The following CNTN1 variants were observed in gnomAD, a reference collection of about 807,000 sequenced individuals.
CNTN1 encodes contactin 1.
Under a neutral mutation model 126.4 loss-of-function variants are expected in CNTN1, and 38 were observed. The ratio of observed to expected loss-of-function variants is 0.30; its 90% confidence interval spans 0.23 to 0.39. The LOEUF is 0.39. Among genes scored for constraint, CNTN1 ranks in the 10% least tolerant of loss-of-function variants. The probability of loss-of-function intolerance (pLI) is 1.00; values close to 1 mark genes in which losing one functional copy is unlikely to be tolerated. For synonymous variants in CNTN1, 413 were observed against 422.6 expected (o/e 0.98, Z 0.28); for missense variants, 1,009 against 1,248.4 (o/e 0.81, Z 2.89).
At chr12:40,868,951 G>A (rs1001487593) in intron 1 of CNTN1, among the ~76,000 whole-genome samples, 1 of 151,710 alleles carries the variant, frequency 6.6e-6, no homozygotes, top group Non-Finnish European at 1.5e-5. Flanking sequence ...CTTGAAGTTA[G>A]TTATTTGCTA....
chr12:40,883,733 C>A (rs942097549), intron 1 of CNTN1, among the ~76,000 whole-genome samples: 7 of 151,566 alleles, frequency 4.6e-5, no homozygotes, highest in African/African-American at 1.7e-4. Flanking sequence ...CCAGAGGGAA[C>A]TTGTTACAGG....
chr12:40,696,838 G>A (rs557228974), intron 1 of CNTN1, among the ~76,000 whole-genome samples: 7 of 151,996 alleles, frequency 4.6e-5, no homozygotes, highest in South Asian at 4.1e-4. Context: ...ACCAAATTCC[G>A]CAGTACAAAG....
At chr12:40,722,694 T>C (rs1240613960) in intron 1 of CNTN1, among the ~76,000 whole-genome samples, 1 of 152,048 alleles carries the variant, frequency 6.6e-6, no homozygotes, top group Non-Finnish European at 1.5e-5. Context: ...AGGAGAAAAG[T>C]AGTGTTAATG....
intron 1 of CNTN1, among the ~76,000 whole-genome samples, chr12:40,738,992 G>A (rs1260088318): frequency 6.6e-6 from 1 of 151,956 alleles, no homozygotes; most frequent in Non-Finnish European, 1.5e-5. Flanking sequence ...AAGAACAGTG[G>A]TTCTTAACCT....
At chr12:40,744,549 A>C (rs1028314675) in intron 1 of CNTN1, among the ~76,000 whole-genome samples, 6 of 152,128 alleles carry the variant, frequency 3.9e-5, no homozygotes, top group African/African-American at 7.2e-5. Context: ...ATTTTTGTAC[A>C]AAAGATGCTA....
At chr12:40,930,201 A>G (rs1296478893) in intron 7 of CNTN1, among the ~76,000 whole-genome samples, 199 bp downstream of exon 7, 2 of 152,002 alleles carry the variant, frequency 1.3e-5, no homozygotes, top group Non-Finnish European at 2.9e-5. Flanking sequence ...AAATTGCTGT[A>G]AGAAGGTTGA....
At chr12:40,936,100 C>T (rs967039866) in intron 9 of CNTN1, among the ~76,000 whole-genome samples, 1 of 151,984 alleles carries the variant, frequency 6.6e-6, no homozygotes, top group Admixed American at 6.6e-5. Context: ...TTTGCTTGTT[C>T]TCTAAAAATA....
At chr12:40,897,566 A>G (rs1273721320) in intron 1 of CNTN1, among the ~76,000 whole-genome samples, 1 of 152,238 alleles carries the variant, frequency 6.6e-6, no homozygotes, top group African/African-American at 2.4e-5. Flanking sequence ...CAGTTTTTGT[A>G]TAATATACAT....
At chr12:41,014,186 CTT>C in intron 17 of CNTN1, 40 bp from the exon 18 acceptor site, 1 of 1,596,224 alleles carries the variant, frequency 6.3e-7, no homozygotes, top group Middle Eastern at 1.7e-4. Context: ...TGCAGGCCCT[CTT>C]TTTGTTGTTG....
chr12:40,709,413 T>G (rs2121156374), intron 1 of CNTN1, among the ~76,000 whole-genome samples: 1 of 152,338 alleles, frequency 6.6e-6, no homozygotes, highest in East Asian at 1.9e-4. Context: ...GCGTAATTCT[T>G]AAGTGCCCTA....
chr12:40,919,463 G>A (rs1199528480), intron 4 of CNTN1, among the ~76,000 whole-genome samples: 1 of 152,092 alleles, frequency 6.6e-6, no homozygotes, highest in East Asian at 1.9e-4. Context: ...AATGCCAGTG[G>A]ATTTAAATTT....
chr12:40,802,659 C>T (rs1034124493), intron 1 of CNTN1, among the ~76,000 whole-genome samples: 1 of 151,884 alleles, frequency 6.6e-6, no homozygotes, highest in African/African-American at 2.4e-5. Flanking sequence ...CCCATCAAAA[C>T]CCTCCCCAAA....
chr12:40,943,266 T>C (rs1332614363), intron 12 of CNTN1, among the ~76,000 whole-genome samples: 1 of 152,144 alleles, frequency 6.6e-6, no homozygotes, highest in African/African-American at 2.4e-5. Context: ...CTAGTCTGAA[T>C]TGAAGTCCTG....
chr12:40,801,973 A>G (rs1940674486), intron 1 of CNTN1, among the ~76,000 whole-genome samples: 1 of 151,944 alleles, frequency 6.6e-6, no homozygotes, highest in African/African-American at 2.4e-5. Flanking sequence ...AAAAAAGTAG[A>G]TGGAAGATGG....
At chr12:40,719,576 C>T (rs1002483297) in intron 1 of CNTN1, among the ~76,000 whole-genome samples, 1 of 152,210 alleles carries the variant, frequency 6.6e-6, no homozygotes, top group Non-Finnish European at 1.5e-5. Flanking sequence ...GAAACCTTAA[C>T]TATATTCCAT....
intron 16 of CNTN1, among the ~76,000 whole-genome samples, chr12:40,988,220 T>C (rs1430196102): frequency 6.6e-6 from 1 of 152,186 alleles, no homozygotes; most frequent in Admixed American, 6.5e-5. Flanking sequence ...CTTTAAATTC[T>C]CATTTCCAGT....
At chr12:41,051,881 C>G (rs1949691534) in intron 23 of CNTN1, among the ~76,000 whole-genome samples, 1 of 145,114 alleles carries the variant, frequency 6.9e-6, no homozygotes, top group South Asian at 2.2e-4. Flanking sequence ...CTCCTAACAT[C>G]CACCCCACAC....
intron 16 of CNTN1, among the ~76,000 whole-genome samples, chr12:40,987,560 T>G (rs992402243): frequency 2.6e-5 from 4 of 152,186 alleles, no homozygotes; most frequent in Non-Finnish European, 4.4e-5. Flanking sequence ...AGAGGCATAG[T>G]AACCATGCTA....
chr12:40,795,758 CA>C (rs2136473999), intron 1 of CNTN1, among the ~76,000 whole-genome samples: 1 of 152,178 alleles, frequency 6.6e-6, no homozygotes, highest in East Asian at 1.9e-4. Context: ...ATGCTACATG[CA>C]ATACAGTAAA....
Sources: gnomAD v4.1 joint callset for allele counts (sites outside exome capture counted in the v4.1 genomes callset) on GRCh38, gnomAD v4.1.1 for gene constraint, MANE v1.5 for transcripts, NCBI Gene and HGNC (gene_info 2026-07-23, HGNC 2026-07-21) for gene names.